Variants in SAA2 observed in about 807,000 individuals in gnomAD.
SAA2 encodes serum amyloid A2.
SAA2 carries 5 observed loss-of-function variants against 9.1 expected under a neutral mutation model. The ratio of observed to expected loss-of-function variants is 0.55; its 90% CI spans 0.29 to 1.16. SAA2 has a LOEUF of 1.16. Ranked by LOEUF, SAA2 falls within the 50% of genes most tolerant of loss-of-function variation. The pLI, the probability that SAA2 is intolerant of heterozygous loss-of-function variation, is 0.09. For synonymous variants in SAA2, 49 were observed against 59.8 expected (o/e 0.82, Z 0.83); for missense variants, 94 against 153.8 (o/e 0.61, Z 2.06).
At chr11:18,243,075 AT>A (rs1237690826), downstream of SAA2, among the ~76,000 whole-genome samples, 4 of 151,586 alleles carry the variant, frequency 2.6e-5, no homozygotes, top group Non-Finnish European at 4.4e-5. Flanking sequence ...CGATTTAAAA[AT>A]TTTTTTCTTG....
chr11:18,241,820 T>C (rs943953718), downstream of SAA2, among the ~76,000 whole-genome samples: 6 of 152,192 alleles, frequency 3.9e-5, no homozygotes, highest in African/African-American at 1.4e-4. Context: ...ACTTGGGTGA[T>C]GGTTACACTA....
At chr11:18,243,438 A>G (rs1208983572), downstream of SAA2, among the ~76,000 whole-genome samples, 2 of 152,192 alleles carry the variant, frequency 1.3e-5, no homozygotes, top group Non-Finnish European at 2.9e-5. Flanking sequence ...TAATAGCATT[A>G]CAGTCTTTTT....
Position 18,245,966 on chromosome 11 carries a change from C to A in SAA2, c.174G>T (p.Gly58=). The change falls in exon 3 of 4, where the codon GGG becomes GGT. Residue 58 remains glycine, a synonymous_variant. Coordinates refer to ENST00000256733, the MANE Select transcript of SAA2 (RefSeq NM_030754.5). ...IGSDKYFHAR[G]NYDAAKRGPG... The stretch of plus-strand genomic sequence containing the variant: ...GTCCCCTTTTGGCAGCATCATAGTT[C>A]CCCCGAGCATGGAAGTATTTGTCTG... 6.2e-7 allele frequency: 1 copy of A among 1,613,356 alleles called. No individual in the cohort carries two copies. The highest frequency in any genetic ancestry group is 8.5e-7 in the Non-Finnish European group (1 of 1,179,346).
chr11:18,245,135 C>T, downstream of SAA2: 1 of 811,604 alleles, frequency 1.2e-6, no homozygotes, highest in South Asian at 1.9e-5. Flanking sequence ...CACATCCAAA[C>T]ACATAGGCCT....
intron 2 of SAA2, among the ~76,000 whole-genome samples, chr11:18,246,304 T>C (rs971168031): frequency 6.6e-6 from 1 of 152,144 alleles, no homozygotes; most frequent in Non-Finnish European, 1.5e-5. Flanking sequence ...ATGAATGAGG[T>C]GGTGACATGG....
At chr11:18,241,921 T>C (rs1357636932), downstream of SAA2, among the ~76,000 whole-genome samples, 1 of 151,938 alleles carries the variant, frequency 6.6e-6, no homozygotes, top group African/African-American at 2.4e-5. Flanking sequence ...TGAATGAATA[T>C]TTTAAATAAC....
chr11:18,245,888 A>T (rs75350417), intron 3 of SAA2, 22 bp downstream of exon 3: 5 of 1,580,268 alleles, frequency 3.2e-6, no homozygotes, highest in Non-Finnish European at 4.3e-6. Context: ...CCCAGCCCTA[A>T]CGTCCCAGGA....
At chr11:18,241,569 T>C (rs1857346924), downstream of SAA2, among the ~76,000 whole-genome samples, 1 of 152,222 alleles carries the variant, frequency 6.6e-6, no homozygotes, top group Non-Finnish European at 1.5e-5. Flanking sequence ...AGAATACTAT[T>C]CAGCCATTAA....
chr11:18,245,125 C>T, downstream of SAA2: 1 of 703,604 alleles, frequency 1.4e-6, no homozygotes, highest in Non-Finnish European at 2.2e-6. Flanking sequence ...AATGTCTCCT[C>T]ACATCCAAAC....
chr11:18,243,596 G>A (rs2134138093), downstream of SAA2, among the ~76,000 whole-genome samples: 1 of 152,178 alleles, frequency 6.6e-6, no homozygotes, highest in Middle Eastern at 3.4e-3. Flanking sequence ...ACATCTTTGA[G>A]ACTCAGACTC....
rs963318824 is a variant in SAA2 at position 18,245,292 on chromosome 11, C to T, written c.*85G>A. 6.3e-7 allele frequency: 1 copy of T among 1,580,306 alleles called. No individual in the cohort carries two copies. Among genetic ancestry groups the T allele is most frequent in the African/African-American group, 1.4e-5 (1 of 74,050 alleles). The stretch of plus-strand genomic sequence containing the variant: ...CCTATTATATGCCATATCTCAGCTT[C>T]TCTGGACATAGACCTCACTAACTTT... On this transcript the variant is annotated 3_prime_UTR_variant, in exon 4 of 4. Coordinates refer to ENST00000256733, the MANE Select transcript of SAA2 (RefSeq NM_030754.5).
rs766911330 is a variant in SAA2 at position 18,246,059 on chromosome 11, A to G, written c.92-11T>C. On this transcript the variant is annotated splice_polypyrimidine_tract_variant and intron_variant, in intron 2 of 3. Coordinates refer to ENST00000256733, the MANE Select transcript of SAA2 (RefSeq NM_030754.5). ...ACATGTCCCGAGCCCCTGGAAAGGA[A>G]AGGAAAGGCAGAAGGGACATCAGGA... 1 of 1,612,228 alleles carries G rather than the reference A, an allele frequency of 6.2e-7. No homozygotes were observed. The highest frequency in any genetic ancestry group is 8.5e-7 in the Non-Finnish European group (1 of 1,179,412).
downstream of SAA2, among the ~76,000 whole-genome samples, chr11:18,244,728 G>A (rs549466964): frequency 1.3e-5 from 2 of 152,090 alleles, no homozygotes; most frequent in South Asian, 2.1e-4. Context: ...AAAAGGAGTC[G>A]CATTACATAT....
intron 3 of SAA2, 21 bp from the exon 4 acceptor site, chr11:18,245,536 AAGG>A: frequency 1.9e-6 from 3 of 1,613,522 alleles, no homozygotes; most frequent in Middle Eastern, 3.3e-4. Flanking sequence ...GGCAGGCAAG[AAGG>A]AGATTAATCA....
At chr11:18,247,512 C>T (rs1449698378) in intron 2 of SAA2, among the ~76,000 whole-genome samples, 1 of 147,794 alleles carries the variant, frequency 6.8e-6, no homozygotes, top group African/African-American at 2.5e-5. Context: ...CCTCGACTCT[C>T]TAATCTGTTT....
At chr11:18,241,751 G>T (rs1857353370), downstream of SAA2, among the ~76,000 whole-genome samples, 1 of 152,114 alleles carries the variant, frequency 6.6e-6, no homozygotes, top group African/African-American at 2.4e-5. Flanking sequence ...GACTCAGAAA[G>T]ATGGAGGGCA....
intron 2 of SAA2, among the ~76,000 whole-genome samples, chr11:18,247,097 C>G (rs1857581934): frequency 1.3e-5 from 2 of 152,306 alleles, no homozygotes; most frequent in Non-Finnish European, 2.9e-5. Flanking sequence ...CTCAGCTGCT[C>G]TAAGTCTCAG....
exon 4 of SAA2, chr11:18,239,654 T>TG (rs1488669486): frequency 4.7e-6 from 2 of 427,430 alleles, no homozygotes; most frequent in Non-Finnish European, 8.2e-6. Context: ...TCAGGGATTC[T>TG]GGAACACCAT....
At position 18,245,368 on chromosome 11, in the gene SAA2, A is replaced by G; in HGVS notation, c.*9T>C. The G allele has an allele frequency of 6.2e-7, 1 of 1,614,106 alleles. No homozygotes were observed. The highest frequency in any genetic ancestry group is 8.5e-7 in the Non-Finnish European group (1 of 1,180,036). ...GCCAGGTCTCCTGAGAGCAGAGTGA[A>G]GAGGAAGCTCAGTATTTCTCAGGCA... On this transcript the variant is annotated 3_prime_UTR_variant, in exon 4 of 4. Coordinates refer to ENST00000256733, the MANE Select transcript of SAA2 (RefSeq NM_030754.5).
Sources: allele counts gnomAD v4.1 joint callset (sites outside exome capture counted in the v4.1 genomes callset), GRCh38; gene constraint gnomAD v4.1.1; transcripts MANE v1.5; gene names NCBI Gene and HGNC (gene_info 2026-07-23, HGNC 2026-07-21).